FRYL: variants seen among roughly 807,000 people sequenced by gnomAD.
FRYL encodes the protein protein furry homolog-like.
FRYL carries 150 observed loss-of-function variants against 351.2 expected under a neutral mutation model. The ratio of observed to expected loss-of-function variants is 0.43; its 90% confidence interval spans 0.37 to 0.49. The LOEUF (loss-of-function observed/expected upper bound fraction) is 0.49. Among genes scored for constraint, FRYL ranks in the 20% least tolerant of loss-of-function variants. The probability of loss-of-function intolerance (pLI) is 0.00; values close to 1 mark genes in which losing one functional copy is unlikely to be tolerated. For missense variants in FRYL, 3,036 were observed against 3,619.3 expected (o/e 0.84, Z 4.13); for synonymous variants, 1,153 against 1,257.1 (o/e 0.92, Z 1.75).
chr4:48,711,501 G>A (rs1578796117), intron 1 of FRYL, among the ~76,000 whole-genome samples: 1 of 152,236 alleles, frequency 6.6e-6, no homozygotes, highest in Non-Finnish European at 1.5e-5. Flanking sequence ...AGGTGGCAGC[G>A]AGGCTAGGGG....
chr4:48,719,947 C>T (rs1479057896), intron 1 of FRYL, among the ~76,000 whole-genome samples: 2 of 150,918 alleles, frequency 1.3e-5, no homozygotes, highest in African/African-American at 2.4e-5. Context: ...GTCCGGAGAT[C>T]GAGACCATCC....
chr4:48,636,044 T>A (rs1754166174), intron 3 of FRYL, among the ~76,000 whole-genome samples: 1 of 152,116 alleles, frequency 6.6e-6, no homozygotes, highest in African/African-American at 2.4e-5. Context: ...ACGTAATATA[T>A]CTAAAATAAA....
chr4:48,544,032 G>C lies in FRYL; in HGVS notation c.5402-35C>G, dbSNP rs759255586. ...CAAAGGAAACGAGTAGGTTGTTCTT[G>C]TTCTTTAGAATACTAATGGGGTTAT... On this transcript the variant is annotated intron_variant, in intron 43 of 63. Transcript: ENST00000358350. 7 of 1,579,942 alleles carry C rather than the reference G, an allele frequency of 4.4e-6. No individual in the cohort carries two copies. The Admixed American group carries it at 8.4e-5, about 19-fold the overall frequency.
chr4:48,542,131 A>G lies in FRYL; in HGVS notation c.5593-10T>C. 1 of 1,593,546 alleles carries G rather than the reference A, an allele frequency of 6.3e-7. No homozygotes were observed. Among genetic ancestry groups the G allele is most frequent in the East Asian group, 2.2e-5 (1 of 44,762 alleles). ...GCTCAATCACAAATCCCTGGGGGGAAAAAGGCAGATTTTAATTAATTATGC... is the reference window on the plus strand; with the variant it reads ...GCTCAATCACAAATCCCTGGGGGGAGAAAGGCAGATTTTAATTAATTATGC... On this transcript the variant is annotated splice_polypyrimidine_tract_variant and intron_variant, in intron 44 of 63. Coordinates refer to ENST00000358350, the MANE Select transcript of FRYL (RefSeq NM_015030.2).
At chr4:48,550,535 T>A (rs750435419) in intron 38 of FRYL, 57 bp downstream of exon 38, 1 of 1,013,820 alleles carries the variant, frequency 9.9e-7, no homozygotes, top group Non-Finnish European at 1.5e-6. Flanking sequence ...AACATTAATG[T>A]AATTAACAAT....
At chr4:48,683,915 G>C (rs2149546186) in intron 3 of FRYL, among the ~76,000 whole-genome samples, 1 of 152,072 alleles carries the variant, frequency 6.6e-6, no homozygotes, top group Non-Finnish European at 1.5e-5. Flanking sequence ...TTTCCATTTT[G>C]TCTGTGGTTT....
Position 48,662,689 on chromosome 4 carries a change from G to A in FRYL, c.-81+21984C>T, listed in dbSNP as rs546848672. On this transcript the variant is annotated intron_variant, in intron 3 of 63. Transcript: ENST00000358350. ...GCATGTAATCCCAGCACTTTGGGAGGCCAAGGTGGGCAGATCAATTGAGCC... is the reference window on the plus strand; with the variant it reads ...GCATGTAATCCCAGCACTTTGGGAGACCAAGGTGGGCAGATCAATTGAGCC... Among the ~76,000 whole-genome samples the A allele has an allele frequency of 4.6e-5, 7 of 151,388 alleles. No individual in the cohort carries two copies. The South Asian group carries it at 6.3e-4, about 14-fold the overall frequency.
intron 30 of FRYL, among the ~76,000 whole-genome samples, chr4:48,564,327 A>AT (rs1181301999): frequency 3.9e-5 from 6 of 152,216 alleles, no homozygotes; most frequent in Non-Finnish European, 8.8e-5. Flanking sequence ...CTCTAGTATG[A>AT]TTTTGTCTTC....
chr4:48,573,961 A>C (rs1261531317), intron 25 of FRYL, among the ~76,000 whole-genome samples: 4 of 152,170 alleles, frequency 2.6e-5, no homozygotes, highest in Non-Finnish European at 4.4e-5. Context: ...TTCATTTATT[A>C]ATGAATCATT....
Position 48,752,133 on chromosome 4 carries a change from A to G in FRYL, c.-384+27945T>C, listed in dbSNP as rs1773312982. Among the ~76,000 whole-genome samples, 3 of 152,236 alleles carry G rather than the reference A, an allele frequency of 2.0e-5. 1 individual carries two copies. The South Asian group carries it at 6.2e-4, about 31-fold the overall frequency. On this transcript the variant is annotated intron_variant, in intron 1 of 63. Coordinates refer to ENST00000358350, the MANE Select transcript of FRYL (RefSeq NM_015030.2). ...GGACTATATACTGGACAATAGTATTATATCGTAGTGGATGTGGAGGTGCAC... is the reference window on the plus strand; with the variant it reads ...GGACTATATACTGGACAATAGTATTGTATCGTAGTGGATGTGGAGGTGCAC...
At chr4:48,505,663 G>A in intron 59 of FRYL, 48 bp from the exon 60 acceptor site, 1 of 1,190,238 alleles carries the variant, frequency 8.4e-7, no homozygotes, top group Middle Eastern at 1.9e-4. Flanking sequence ...AAAATGGGTA[G>A]TGTAACAGCC....
chr4:48,563,671 C>A (rs1438328445), intron 31 of FRYL, among the ~76,000 whole-genome samples: 1 of 150,450 alleles, frequency 6.6e-6, no homozygotes, highest in Non-Finnish European at 1.5e-5. Context: ...GATCATGCCA[C>A]TGCACTCTAG....
At chr4:48,678,354 A>G (rs975736545) in intron 3 of FRYL, among the ~76,000 whole-genome samples, 2 of 152,042 alleles carry the variant, frequency 1.3e-5, no homozygotes, top group African/African-American at 4.8e-5. Flanking sequence ...CTAGAAATAT[A>G]AAAATTAGCT....
chr4:48,779,049 T>C (rs1464371505), intron 1 of FRYL, among the ~76,000 whole-genome samples: 3 of 150,742 alleles, frequency 2.0e-5, no homozygotes, highest in African/African-American at 4.9e-5. Context: ...GAAAGATTAA[T>C]GCTCCCATAT....
intron 3 of FRYL, among the ~76,000 whole-genome samples, chr4:48,641,058 A>G (rs549518483): frequency 6.6e-6 from 1 of 152,318 alleles, no homozygotes; most frequent in East Asian, 1.9e-4. Flanking sequence ...GTATTGGGGA[A>G]TAATAGCAAA....
At position 48,606,353 on chromosome 4, in the gene FRYL, C is replaced by A. The variant is rs1320340091; in HGVS notation, c.741+85G>T. The A allele has an allele frequency of 5.4e-6, 4 of 742,022 alleles. No homozygotes were observed. The African/African-American group carries it at 7.0e-5, about 13-fold the overall frequency. 46.0% of individuals were successfully genotyped at this position (742,022 alleles called of 1,614,324 possible). On this transcript the variant is annotated intron_variant, in intron 10 of 63. Transcript: ENST00000358350. ...GACTAAAAATGATGCCATTAATTTA[C>A]GTGTATTTTGTTTCTTTTAAAAAGT...
At chr4:48,725,393 T>C (rs1383686473) in intron 1 of FRYL, among the ~76,000 whole-genome samples, 2 of 152,250 alleles carry the variant, frequency 1.3e-5, no homozygotes, top group Non-Finnish European at 2.9e-5. Flanking sequence ...CAAGCTCTGA[T>C]ACAGCCTGTG....
At position 48,770,008 on chromosome 4, in the gene FRYL, A is replaced by T. The variant is rs113662124; in HGVS notation, c.-384+10070T>A. ...GACTGTGGTGGTGGCAGTTATACAAATCTACCTGTACATACACATACAAAG... is the reference window on the plus strand; with the variant it reads ...GACTGTGGTGGTGGCAGTTATACAATTCTACCTGTACATACACATACAAAG... On this transcript the variant is annotated intron_variant, in intron 1 of 63. Coordinates refer to ENST00000358350, the MANE Select transcript of FRYL (RefSeq NM_015030.2). Among the ~76,000 whole-genome samples, 690 of 152,300 alleles carry T rather than the reference A, an allele frequency of 4.5e-3. 5 individuals are homozygous for T. Among genetic ancestry groups the T allele is most frequent in the African/African-American group, 0.015 (641 of 41,552 alleles).
At chr4:48,687,507 T>TGGGG (rs1560861172) in intron 2 of FRYL, among the ~76,000 whole-genome samples, 1 of 11,160 alleles carries the variant, frequency 9.0e-5, no homozygotes, top group African/African-American at 3.4e-4. Context: ...GGGGGGGGGG[T>TGGGG]GAGGGGGGAG....
Sources: gnomAD v4.1 joint callset for allele counts (sites outside exome capture counted in the v4.1 genomes callset) on GRCh38, gnomAD v4.1.1 for gene constraint, MANE v1.5 for transcripts, NCBI Gene and HGNC (gene_info 2026-07-23, HGNC 2026-07-21) for gene names.